The following CADPS2 variants were observed in gnomAD, a reference collection of about 807,000 sequenced individuals.
The protein encoded by CADPS2 is calcium-dependent secretion activator 2.
CADPS2 carries 93 observed loss-of-function variants against 172.5 expected under a neutral mutation model. The ratio of observed to expected loss-of-function variants is 0.54; its 90% confidence interval spans 0.46 to 0.64. The LOEUF (loss-of-function observed/expected upper bound fraction) is 0.64, where lower values mean the gene tolerates loss of function less well. Among genes scored for constraint, CADPS2 ranks in the 30% least tolerant of loss-of-function variants. The pLI is 0.00. For missense variants in CADPS2, 1,420 were observed against 1,565.9 expected (o/e 0.91, Z 1.57); for synonymous variants, 546 against 555.2 (o/e 0.98, Z 0.23).
chr7:122,815,586 G>GA (rs796346952), intron 1 of CADPS2, among the ~76,000 whole-genome samples: 2,257 of 147,788 alleles, frequency 0.015, 54 homozygotes, highest in African/African-American at 0.053. Context: ...AGACCTGGAG[G>GA]AAAAAAAAAA....
chr7:122,514,172 C>T (rs911766151), intron 8 of CADPS2, among the ~76,000 whole-genome samples: 1 of 152,042 alleles, frequency 6.6e-6, no homozygotes, highest in Non-Finnish European at 1.5e-5. Flanking sequence ...ACACTCCCTA[C>T]AAAAGTGGAA....
intron 2 of CADPS2, among the ~76,000 whole-genome samples, chr7:122,667,744 AC>A (rs2081330872): frequency 6.6e-6 from 1 of 152,110 alleles, no homozygotes; most frequent in South Asian, 2.1e-4. Flanking sequence ...GAGACAAGGG[AC>A]CCATGTTTTG....
chr7:122,664,115 A>AC (rs2080922491), intron 2 of CADPS2, among the ~76,000 whole-genome samples: 1 of 151,674 alleles, frequency 6.6e-6, no homozygotes, highest in African/African-American at 2.4e-5. Flanking sequence ...GGAGATATGA[A>AC]CCCAACATCC....
chr7:122,784,935 T>A (rs528043570), intron 1 of CADPS2, among the ~76,000 whole-genome samples: 2 of 152,332 alleles, frequency 1.3e-5, no homozygotes, highest in East Asian at 1.9e-4. Flanking sequence ...TTTCACCTTG[T>A]TGAACATCAA....
At chr7:122,622,188 T>C (rs1026938803) in intron 4 of CADPS2, among the ~76,000 whole-genome samples, 1 of 152,174 alleles carries the variant, frequency 6.6e-6, no homozygotes, top group Non-Finnish European at 1.5e-5. Context: ...TGGAAGAGTA[T>C]GCTTTTTCAT....
chr7:122,640,639 A>T (rs146278617), intron 3 of CADPS2, among the ~76,000 whole-genome samples: 2,514 of 152,210 alleles, frequency 0.017, 36 homozygotes, highest in Middle Eastern at 0.068. Context: ...AAAATAAAAA[A>T]AAATATTGTT....
chr7:122,320,363 T>G, intron 29 of CADPS2, 25 bp from the exon 30 acceptor site: 1 of 1,565,186 alleles, frequency 6.4e-7, no homozygotes, highest in South Asian at 1.2e-5. Flanking sequence ...TAAAATTTGC[T>G]TAGCTCACTT....
chr7:122,811,287 A>G (rs186320425), intron 1 of CADPS2, among the ~76,000 whole-genome samples: 1 of 152,184 alleles, frequency 6.6e-6, no homozygotes, highest in Non-Finnish European at 1.5e-5. Context: ...TTAGATAGTA[A>G]GTAGCATATG....
chr7:122,777,540 T>G (rs964753953), intron 1 of CADPS2, among the ~76,000 whole-genome samples: 2 of 152,176 alleles, frequency 1.3e-5, no homozygotes, highest in Admixed American at 6.5e-5. Context: ...CCCACCCAAA[T>G]GTCATCTTGA....
At chr7:122,535,138 T>A (rs1407010998) in intron 8 of CADPS2, among the ~76,000 whole-genome samples, 1 of 152,128 alleles carries the variant, frequency 6.6e-6, no homozygotes, top group African/African-American at 2.4e-5. Flanking sequence ...TGGTGGTACT[T>A]GAGTATCGTG....
At chr7:122,583,754 C>T (rs997950849) in intron 6 of CADPS2, among the ~76,000 whole-genome samples, 5 of 151,130 alleles carry the variant, frequency 3.3e-5, no homozygotes, top group African/African-American at 7.3e-5. Flanking sequence ...AACACACATA[C>T]ATCATGTACA....
intron 2 of CADPS2, among the ~76,000 whole-genome samples, chr7:122,705,336 C>T (rs2086823928): frequency 6.7e-6 from 1 of 149,774 alleles, no homozygotes; most frequent in African/African-American, 2.5e-5. Context: ...CATGGACATT[C>T]TTTCTAACAG....
chr7:122,360,490 T>C (rs1001680876), intron 27 of CADPS2, among the ~76,000 whole-genome samples: 4 of 152,310 alleles, frequency 2.6e-5, no homozygotes, highest in Middle Eastern at 3.4e-3. Flanking sequence ...AGTTTTTCTA[T>C]AAATAGTGTG....
At chr7:122,831,246 A>C (rs1584737000) in intron 1 of CADPS2, among the ~76,000 whole-genome samples, 2 of 152,310 alleles carry the variant, frequency 1.3e-5, no homozygotes, top group Middle Eastern at 3.4e-3. Flanking sequence ...CCATCAAGAA[A>C]GGTGTAAGCA....
intron 6 of CADPS2, among the ~76,000 whole-genome samples, chr7:122,590,547 A>C (rs1444351325): frequency 3.3e-5 from 5 of 152,030 alleles, no homozygotes; most frequent in Middle Eastern, 3.4e-3. Flanking sequence ...GGTTGTTTCC[A>C]GTCTTAACCA....
intron 8 of CADPS2, among the ~76,000 whole-genome samples, chr7:122,547,074 G>GT (rs5887102): frequency 0.29 from 42,476 of 146,730 alleles, 6,202 homozygotes; most frequent in East Asian, 0.36. Flanking sequence ...AATCTAGGGT[G>GT]TTTTTTTTTT....
intron 24 of CADPS2, among the ~76,000 whole-genome samples, chr7:122,383,195 G>C (rs1425013900): frequency 6.6e-6 from 1 of 152,036 alleles, no homozygotes; most frequent in Non-Finnish European, 1.5e-5. Flanking sequence ...CATGGATGCA[G>C]CTGGAGGCTA....
chr7:122,570,894 G>T (rs902414621), intron 7 of CADPS2, among the ~76,000 whole-genome samples: 1 of 152,120 alleles, frequency 6.6e-6, no homozygotes, highest in Non-Finnish European at 1.5e-5. Flanking sequence ...GAGGTCGGGG[G>T]AGCGGGGAGG....
chr7:122,556,269 AT>A (rs1166039042), intron 7 of CADPS2, among the ~76,000 whole-genome samples: 1 of 152,158 alleles, frequency 6.6e-6, no homozygotes, highest in Non-Finnish European at 1.5e-5. Context: ...AAGGAATATC[AT>A]TATCAACTTA....
Sources: gnomAD v4.1 joint callset for allele counts (sites outside exome capture counted in the v4.1 genomes callset) on GRCh38, gnomAD v4.1.1 for gene constraint, MANE v1.5 for transcripts, NCBI Gene and HGNC (gene_info 2026-07-23, HGNC 2026-07-21) for gene names.